The following GALK2 variants were observed in gnomAD, a reference collection of about 807,000 sequenced individuals.
The protein encoded by GALK2 is N-acetylgalactosamine kinase.
In GALK2, 36 loss-of-function variants were observed where a neutral mutation model predicts 52.4. The observed-to-expected ratio is 0.69, with a 90% confidence interval of 0.53 to 0.91. The LOEUF is 0.91. GALK2 is among the 40% of genes least tolerant of loss of function. The pLI is 0.00. For missense variants in GALK2, 579 were observed against 559.1 expected (o/e 1.04, Z -0.36); for synonymous variants, 176 against 199.1 (o/e 0.88, Z 0.98).
At chr15:49,235,263 TTCTATA>T (rs1171094260) in intron 3 of GALK2, among the ~76,000 whole-genome samples, 1 of 152,230 alleles carries the variant, frequency 6.6e-6, no homozygotes, top group Non-Finnish European at 1.5e-5. Context: ...ACATCATTCC[TTCTATA>T]TCTATTAGTT....
intron 8 of GALK2, among the ~76,000 whole-genome samples, chr15:49,306,021 T>G (rs542289257): frequency 6.6e-6 from 1 of 152,354 alleles, no homozygotes; most frequent in Admixed American, 6.5e-5. Flanking sequence ...GATTTTTATC[T>G]TCTTAATGCT....
At chr15:49,267,997 G>A (rs2092413629) in intron 5 of GALK2, among the ~76,000 whole-genome samples, 1 of 152,056 alleles carries the variant, frequency 6.6e-6, no homozygotes, top group Non-Finnish European at 1.5e-5. Context: ...ATTTTAATTT[G>A]GTACATATTC....
intron 5 of GALK2, among the ~76,000 whole-genome samples, chr15:49,270,053 A>G (rs528950187): frequency 7.5e-4 from 114 of 152,242 alleles, no homozygotes; most frequent in African/African-American, 2.6e-3. Flanking sequence ...ACTCTTGTTT[A>G]TCATCGCTCC....
chr15:49,208,260 T>C (rs1162749089), intron 2 of GALK2, among the ~76,000 whole-genome samples: 1 of 152,230 alleles, frequency 6.6e-6, no homozygotes, highest in Non-Finnish European at 1.5e-5. Flanking sequence ...CTGTTTGTGC[T>C]CTTTCAGACT....
At chr15:49,164,780 CAAAAAAAAAAAA>C (rs36107125) in intron 1 of GALK2, among the ~76,000 whole-genome samples, 3 of 65,182 alleles carry the variant, frequency 4.6e-5, no homozygotes, top group African/African-American at 1.1e-4. Context: ...AACTCCGTCT[CAAAAAAAAAAAA>C]AAAAAAAAAA....
At chr15:49,213,385 C>A (rs115436134) in intron 2 of GALK2, among the ~76,000 whole-genome samples, 3,379 of 152,072 alleles carry the variant, frequency 0.022, 103 homozygotes, top group South Asian at 0.077. Context: ...GATATAAATG[C>A]AGAATGTGTA....
intron 3 of GALK2, among the ~76,000 whole-genome samples, chr15:49,342,440 G>A (rs1452383262): frequency 6.6e-6 from 1 of 152,098 alleles, no homozygotes; most frequent in Admixed American, 6.6e-5. Flanking sequence ...TGTAAAAAGG[G>A]TCTCTTGAAG....
At chr15:49,290,065 G>A (rs2033784128) in intron 7 of GALK2, among the ~76,000 whole-genome samples, 2 of 152,148 alleles carry the variant, frequency 1.3e-5, no homozygotes, top group African/African-American at 4.8e-5. Context: ...TGAGAAAGTT[G>A]TGACAAAATA....
At chr15:49,311,689 C>T (rs2036002578) in intron 8 of GALK2, among the ~76,000 whole-genome samples, 1 of 152,182 alleles carries the variant, frequency 6.6e-6, no homozygotes, top group Admixed American at 6.5e-5. Context: ...CCGTATTGTA[C>T]TTTATATTCT....
At chr15:49,192,869 C>CT (rs2086874422) in intron 1 of GALK2, among the ~76,000 whole-genome samples, 1 of 152,094 alleles carries the variant, frequency 6.6e-6, no homozygotes, top group Non-Finnish European at 1.5e-5. Flanking sequence ...AAGCTAGTCT[C>CT]TAACTCCTGG....
chr15:49,200,151 T>A (rs2087613416), intron 1 of GALK2, among the ~76,000 whole-genome samples: 1 of 152,124 alleles, frequency 6.6e-6, no homozygotes, highest in African/African-American at 2.4e-5. Flanking sequence ...TGAGATAATT[T>A]GAGAGTATCA....
At chr15:49,183,254 G>T (rs2141229762) in intron 1 of GALK2, among the ~76,000 whole-genome samples, 1 of 151,982 alleles carries the variant, frequency 6.6e-6, no homozygotes, top group African/African-American at 2.4e-5. Context: ...GCATCATTAG[G>T]TCATTTATTT....
chr15:49,253,509 C>G (rs2091695965), intron 5 of GALK2, among the ~76,000 whole-genome samples: 1 of 144,208 alleles, frequency 6.9e-6, no homozygotes, highest in Non-Finnish European at 1.6e-5. Context: ...GGCAGAGCAG[C>G]CAGCAGGAAT....
At chr15:49,361,231 C>T (rs550677120) in intron 3 of GALK2, among the ~76,000 whole-genome samples, 59 of 151,930 alleles carry the variant, frequency 3.9e-4, no homozygotes, top group African/African-American at 1.2e-3. Context: ...AAAATATTAC[C>T]TATGATGCAA....
intron 1 of GALK2, among the ~76,000 whole-genome samples, chr15:49,200,092 C>T (rs551736601): frequency 1.3e-5 from 2 of 152,080 alleles, no homozygotes; most frequent in Admixed American, 6.5e-5. Flanking sequence ...TACCCAGATA[C>T]AATATGATGT....
chr15:49,365,910 C>A, intron 3 of GALK2: 1 of 966,280 alleles, frequency 1.0e-6, no homozygotes, highest in South Asian at 1.3e-5. Context: ...TGTACAGACT[C>A]ATTGCTGATA....
chr15:49,264,897 G>T (rs2141653793), intron 5 of GALK2, among the ~76,000 whole-genome samples: 1 of 152,304 alleles, frequency 6.6e-6, no homozygotes, highest in Middle Eastern at 3.4e-3. Context: ...GGATTTTCGT[G>T]AACCGCGAAT....
intron 8 of GALK2, among the ~76,000 whole-genome samples, chr15:49,314,104 A>G (rs1307879485): frequency 6.6e-6 from 1 of 152,218 alleles, no homozygotes; most frequent in Non-Finnish European, 1.5e-5. Flanking sequence ...ATAACCAATT[A>G]TGTGTGCCCT....
At chr15:49,159,318 G>A (rs767425266) in intron 1 of GALK2, among the ~76,000 whole-genome samples, 1 of 152,180 alleles carries the variant, frequency 6.6e-6, no homozygotes, top group Non-Finnish European at 1.5e-5. Flanking sequence ...GCTCACGCCT[G>A]TAATCCCAGC....
Sources: allele counts gnomAD v4.1 joint callset (sites outside exome capture counted in the v4.1 genomes callset), GRCh38; gene constraint gnomAD v4.1.1; transcripts MANE v1.5; gene names NCBI Gene and HGNC (gene_info 2026-07-23, HGNC 2026-07-21).